Variants in EDA observed in about 807,000 individuals in gnomAD.
EDA encodes the protein ectodysplasin-A.
Under a neutral mutation model 23.6 loss-of-function variants are expected in EDA, and 2 were observed. The ratio of observed to expected loss-of-function variants is 0.08; its 90% CI spans 0.03 to 0.27. EDA has a LOEUF of 0.27. Among genes scored for constraint, EDA ranks in the 10% least tolerant of loss-of-function variants. The pLI, the probability that EDA is intolerant of heterozygous loss-of-function variation, is 1.00. For missense variants in EDA, 229 were observed against 324.2 expected, an observed-to-expected ratio of 0.71 and a Z score of 2.26; for synonymous variants, 131 against 132.0, an observed-to-expected ratio of 0.99 and a Z score of 0.05.
intron 1 of EDA, among the ~76,000 whole-genome samples, chrX:69,673,676 C>T (rs750161399): frequency 1.8e-5 from 2 of 111,401 alleles, no homozygotes; most frequent in Admixed American, 9.5e-5. Context: ...TAATAATGTT[C>T]GGTAACTATT....
chrX:69,933,836 C>T (rs927764564), intron 1 of EDA, among the ~76,000 whole-genome samples: 17 of 111,798 alleles, frequency 1.5e-4, no homozygotes, highest in Non-Finnish European at 2.1e-4. Context: ...ATTAAAATGT[C>T]ATGTTTTTGT....
chrX:69,934,688 G>A (rs1383706998), intron 1 of EDA, among the ~76,000 whole-genome samples: 2 of 110,954 alleles, frequency 1.8e-5, no homozygotes, highest in Non-Finnish European at 3.8e-5. Flanking sequence ...GAGATATTTT[G>A]ATACAGGCAC....
chrX:69,772,652 G>A (rs1324061610), intron 1 of EDA, among the ~76,000 whole-genome samples: 3 of 110,322 alleles, frequency 2.7e-5, no homozygotes, highest in African/African-American at 9.9e-5. Context: ...CCATTTGGTA[G>A]TCACCAGTGT....
intron 1 of EDA, among the ~76,000 whole-genome samples, chrX:69,917,671 C>G (rs2018365703): frequency 9.0e-6 from 1 of 111,726 alleles, no homozygotes. Context: ...TCATCTACAT[C>G]AAGTAATCCC....
intron 1 of EDA, among the ~76,000 whole-genome samples, chrX:69,679,252 A>T (rs1445473440): frequency 8.6e-5 from 9 of 104,945 alleles, no homozygotes; most frequent in Non-Finnish European, 1.8e-4. Context: ...TTTTGCATCG[A>T]TGTTCATCAA....
intron 1 of EDA, among the ~76,000 whole-genome samples, chrX:69,899,339 A>G (rs1013411516): frequency 1.8e-5 from 2 of 111,900 alleles, no homozygotes; most frequent in African/African-American, 3.2e-5. Context: ...GTCATTTGCA[A>G]TCTGATTATT....
intron 1 of EDA, among the ~76,000 whole-genome samples, chrX:69,782,830 G>C (rs183490356): frequency 8.9e-6 from 1 of 111,781 alleles, no homozygotes; most frequent in Non-Finnish European, 1.9e-5. Context: ...TATTACTAGA[G>C]AAAAATAACC....
At chrX:69,919,191 A>G (rs951864748) in intron 1 of EDA, among the ~76,000 whole-genome samples, 1 of 112,207 alleles carries the variant, frequency 8.9e-6, no homozygotes. Context: ...AATTTTGTCT[A>G]TACAATTTAA....
chrX:69,704,089 T>G (rs2011619419), intron 1 of EDA, among the ~76,000 whole-genome samples: 1 of 111,831 alleles, frequency 8.9e-6, no homozygotes, highest in Non-Finnish European at 1.9e-5. Flanking sequence ...ACCAATGGCC[T>G]GTGACACAGC....
chrX:69,881,836 T>A (rs1160576069), intron 1 of EDA, among the ~76,000 whole-genome samples: 2 of 111,419 alleles, frequency 1.8e-5, no homozygotes, highest in African/African-American at 6.6e-5. Flanking sequence ...GTGTGTCACA[T>A]GGCAAGAAAG....
At chrX:69,680,010 G>T (rs1418989720) in intron 1 of EDA, among the ~76,000 whole-genome samples, 1 of 108,208 alleles carries the variant, frequency 9.2e-6, no homozygotes, top group African/African-American at 3.4e-5. Context: ...CAGAGATTCT[G>T]GTATGTTGTG....
chrX:69,904,870 T>C (rs1483460319), intron 1 of EDA, among the ~76,000 whole-genome samples: 1 of 112,262 alleles, frequency 8.9e-6, no homozygotes, highest in Non-Finnish European at 1.9e-5. Context: ...TTCTTTTTTA[T>C]AGCTGAATAG....
At chrX:69,634,994 T>C (rs1271307380) in intron 1 of EDA, among the ~76,000 whole-genome samples, 1 of 112,370 alleles carries the variant, frequency 8.9e-6, no homozygotes, top group Non-Finnish European at 1.9e-5. Flanking sequence ...CAGTGTTCAG[T>C]ATAGTAACAT....
intron 1 of EDA, among the ~76,000 whole-genome samples, chrX:69,697,061 C>A (rs1037865322): frequency 8.1e-5 from 9 of 111,078 alleles, no homozygotes; most frequent in Non-Finnish European, 1.3e-4. Flanking sequence ...TGGTTCGAAC[C>A]CCAGGAGCAC....
intron 2 of EDA, among the ~76,000 whole-genome samples, chrX:69,992,256 T>A (rs1176948395): frequency 8.9e-6 from 1 of 112,057 alleles, no homozygotes; most frequent in Non-Finnish European, 1.9e-5. Context: ...CTTTCTCTTT[T>A]CCACTTTTCA....
intron 1 of EDA, among the ~76,000 whole-genome samples, chrX:69,757,777 C>A (rs759555169): frequency 8.9e-6 from 1 of 112,046 alleles, no homozygotes; most frequent in South Asian, 3.7e-4. Flanking sequence ...CCTGTCACAT[C>A]GTATTTTATT....
At chrX:69,656,528 G>C (rs886584781) in intron 1 of EDA, among the ~76,000 whole-genome samples, 4 of 111,503 alleles carry the variant, frequency 3.6e-5, no homozygotes, top group African/African-American at 1.3e-4. Context: ...TAGATTCAGG[G>C]GGGACATGTG....
intron 1 of EDA, among the ~76,000 whole-genome samples, chrX:69,759,158 A>G (rs1017495371): frequency 8.9e-6 from 1 of 112,375 alleles, no homozygotes; most frequent in Non-Finnish European, 1.9e-5. Flanking sequence ...AACCAGCATC[A>G]TTCCCCAATA....
intron 1 of EDA, among the ~76,000 whole-genome samples, chrX:69,667,258 G>A (rs927884675): frequency 5.9e-4 from 63 of 107,092 alleles, no homozygotes; most frequent in African/African-American, 2.0e-3. Context: ...GACTACAGGC[G>A]CCCACCACCA....
Sources: gnomAD v4.1 joint callset for allele counts (sites outside exome capture counted in the v4.1 genomes callset) on GRCh38, gnomAD v4.1.1 for gene constraint, MANE v1.5 for transcripts, NCBI Gene and HGNC (gene_info 2026-07-23, HGNC 2026-07-21) for gene names.